The following GRB14 variants were observed in gnomAD, a reference collection of about 807,000 sequenced individuals.
The protein encoded by GRB14 is growth factor receptor bound protein 14, also known as growth factor receptor-bound protein 14.
GRB14 carries 38 observed loss-of-function variants against 69.1 expected under a neutral mutation model. The ratio of observed to expected loss-of-function variants is 0.55; its 90% confidence interval spans 0.42 to 0.72. The LOEUF is 0.72. Ranked by LOEUF, GRB14 falls within the 30% of genes least tolerant of loss-of-function variation. GRB14 has a pLI of 0.00. For synonymous variants in GRB14, 247 were observed against 241.3 expected (o/e 1.02, Z -0.22); for missense variants, 666 against 666.1 (o/e 1.00, Z 0.00).
rs1020071215 is a variant in GRB14, at chr2:164,525,166, C to G, written c.604-88G>C. Reference sequence around the variant, plus strand: ...AATATAGTAATCAAAAGCAAAAGTTCTTTAAACTGGTGTGACTAAAATTCA... The same window carrying G: ...AATATAGTAATCAAAAGCAAAAGTTGTTTAAACTGGTGTGACTAAAATTCA... On this transcript the variant is annotated intron_variant, in intron 4 of 13. Coordinates refer to ENST00000263915, the MANE Select transcript of GRB14 (RefSeq NM_004490.3). 1.0e-5 allele frequency: 9 copies of G among 897,780 alleles called. No individual in the cohort carries two copies. The African/African-American group carries it at 1.4e-4, about 14-fold the overall frequency. 55.6% of individuals were successfully genotyped at this position (897,780 alleles called of 1,614,324 possible).
chr2:164,549,030 A>T (rs1027631275), intron 2 of GRB14, among the ~76,000 whole-genome samples: 8 of 150,164 alleles, frequency 5.3e-5, no homozygotes, highest in Non-Finnish European at 1.2e-4. Context: ...GGCATGCGCC[A>T]CCACACCCAG....
At chr2:164,616,514 T>C (rs755338047) in intron 2 of GRB14, among the ~76,000 whole-genome samples, 6 of 152,034 alleles carry the variant, frequency 3.9e-5, no homozygotes, top group Non-Finnish European at 8.8e-5. Context: ...GCCTACAGTA[T>C]TGTACACTTT....
intron 2 of GRB14, among the ~76,000 whole-genome samples, chr2:164,548,890 A>G (rs1207716542): frequency 6.6e-6 from 1 of 151,380 alleles, no homozygotes; most frequent in African/African-American, 2.4e-5. Flanking sequence ...ATTTTTTTTG[A>G]AGGAGTTTCA....
chr2:164,581,944 C>T (rs900630808), intron 2 of GRB14, among the ~76,000 whole-genome samples: 6 of 152,204 alleles, frequency 3.9e-5, no homozygotes, highest in Non-Finnish European at 8.8e-5. Context: ...CTTCATTCTA[C>T]TTGTCCTTCA....
At chr2:164,545,110 C>G (rs532934004) in intron 3 of GRB14, among the ~76,000 whole-genome samples, 1 of 152,254 alleles carries the variant, frequency 6.6e-6, no homozygotes, top group Admixed American at 6.5e-5. Flanking sequence ...GTAAATGACT[C>G]TAATGACTAT....
chr2:164,493,011 G>T lies in GRB14; in HGVS notation c.*25C>A, dbSNP rs1370005994. 1 of 1,591,046 alleles carries T rather than the reference G, an allele frequency of 6.3e-7. No individual in the cohort carries two copies. The highest frequency in any genetic ancestry group is 8.6e-7 in the Non-Finnish European group (1 of 1,169,030). The stretch of plus-strand genomic sequence containing the variant: ...TTTCTTGAGTCCTTTTCCTTCAATA[G>T]TTTAATAAGTCACTTCTGGCTTGTC... On this transcript the variant is annotated 3_prime_UTR_variant, in exon 14 of 14. Transcript: ENST00000263915.
At chr2:164,551,078 T>G (rs1298850802) in intron 2 of GRB14, among the ~76,000 whole-genome samples, 1 of 152,230 alleles carries the variant, frequency 6.6e-6, no homozygotes, top group Non-Finnish European at 1.5e-5. Context: ...AGTATTTATA[T>G]GATAGAAACC....
At chr2:164,552,630 C>T (rs1023337468) in intron 2 of GRB14, among the ~76,000 whole-genome samples, 5 of 152,094 alleles carry the variant, frequency 3.3e-5, no homozygotes, top group Non-Finnish European at 7.4e-5. Context: ...GTCATAAAAA[C>T]ACACTGTCAA....
In GRB14 at chr2:164,546,503, G is replaced by A. The variant is rs902593579; in HGVS notation, c.481+1157C>T. Among the ~76,000 whole-genome samples, 2 of 152,210 alleles carry A rather than the reference G, an allele frequency of 1.3e-5. 1 individual carries two copies. Among genetic ancestry groups the A allele is most frequent in the South Asian group, 4.1e-4 (2 of 4,820 alleles). ...AAGTATCCCAGAACTCAAATATGAA[G>A]ATGAGGCAGTTCCACGGGCGACAGG... On this transcript the variant is annotated intron_variant, in intron 3 of 13. Coordinates refer to ENST00000263915, the MANE Select transcript of GRB14 (RefSeq NM_004490.3).
intron 2 of GRB14, among the ~76,000 whole-genome samples, chr2:164,593,999 T>C (rs1689728466): frequency 1.3e-5 from 2 of 152,196 alleles, no homozygotes; most frequent in African/African-American, 4.8e-5. Flanking sequence ...TACTGAATGA[T>C]ATTTACATAG....
At chr2:164,549,933 TA>T (rs1218994930) in intron 2 of GRB14, among the ~76,000 whole-genome samples, 19 of 150,618 alleles carry the variant, frequency 1.3e-4, no homozygotes, top group Middle Eastern at 3.5e-3. Context: ...TAAAATAAAA[TA>T]AAATTTCATA....
chr2:164,618,122 A>G, intron 2 of GRB14, among the ~76,000 whole-genome samples: 1 of 152,006 alleles, frequency 6.6e-6, no homozygotes, highest in Non-Finnish European at 1.5e-5. Context: ...GCAGGCCACC[A>G]CACCCAGCTA....
intron 3 of GRB14, among the ~76,000 whole-genome samples, chr2:164,531,551 CTT>C (rs1362646626): frequency 6.6e-6 from 1 of 152,156 alleles, no homozygotes; most frequent in Non-Finnish European, 1.5e-5. Flanking sequence ...TCACAGTAGA[CTT>C]TATCAATTTT....
chr2:164,616,297 G>A (rs1328809737), intron 2 of GRB14, among the ~76,000 whole-genome samples: 1 of 151,820 alleles, frequency 6.6e-6, no homozygotes, highest in African/African-American at 2.4e-5. Context: ...GTGGTGGCAG[G>A]CACCTCTAGT....
At chr2:164,578,602 G>A (rs1477007576) in intron 2 of GRB14, among the ~76,000 whole-genome samples, 3 of 151,182 alleles carry the variant, frequency 2.0e-5, no homozygotes, top group South Asian at 4.2e-4. Flanking sequence ...TCAGTGATAC[G>A]AGAAACATAC....
At chr2:164,495,083 A>G (rs1289574861) in intron 12 of GRB14, among the ~76,000 whole-genome samples, 2 of 152,090 alleles carry the variant, frequency 1.3e-5, no homozygotes, top group East Asian at 3.9e-4. Flanking sequence ...TTGGGACTAC[A>G]GGCACATGCC....
chr2:164,573,925 T>C (rs1357485226), intron 2 of GRB14: 7 of 1,613,002 alleles, frequency 4.3e-6, no homozygotes. Context: ...TGGGTAACAA[T>C]GCAGTCTCAC....
chr2:164,515,699 C>T (rs1687463455), intron 6 of GRB14, among the ~76,000 whole-genome samples: 4 of 151,336 alleles, frequency 2.6e-5, no homozygotes, highest in Admixed American at 2.6e-4. Context: ...AGCAATGGAT[C>T]CAAACCAAGA....
chr2:164,531,518 G>T (rs1687936603), intron 3 of GRB14, among the ~76,000 whole-genome samples: 1 of 152,112 alleles, frequency 6.6e-6, no homozygotes, highest in Non-Finnish European at 1.5e-5. Flanking sequence ...TAGCAAAGAG[G>T]CATTTTGTTG....
Sources: gnomAD v4.1 joint callset for allele counts (sites outside exome capture counted in the v4.1 genomes callset) on GRCh38, gnomAD v4.1.1 for gene constraint, MANE v1.5 for transcripts, NCBI Gene and HGNC (gene_info 2026-07-23, HGNC 2026-07-21) for gene names.